Variants in FANCC observed in about 807,000 individuals in gnomAD.
FANCC encodes FA complementation group C, also known as Fanconi anemia group C protein.
FANCC carries 55 observed loss-of-function variants against 71.3 expected under a neutral mutation model. The observed-to-expected ratio is 0.77, with a 90% confidence interval of 0.62 to 0.97. The LOEUF is 0.97. FANCC is among the 50% of genes least tolerant of loss of function. FANCC has a pLI of 0.00. For missense variants in FANCC, 678 were observed against 670.9 expected (o/e 1.01, Z -0.12); for synonymous variants, 275 against 244.9 (o/e 1.12, Z -1.15).
At chr9:95,117,253 T>C in intron 11 of FANCC, 62 bp downstream of exon 11, 2 of 1,463,954 alleles carry the variant, frequency 1.4e-6, no homozygotes, top group Non-Finnish European at 9.6e-7. Context: ...GAGGAGGTCA[T>C]AATTTGACAA....
At chr9:95,313,633 C>T (rs1339957125) in intron 1 of FANCC, among the ~76,000 whole-genome samples, 1 of 152,138 alleles carries the variant, frequency 6.6e-6, no homozygotes, top group Non-Finnish European at 1.5e-5. Context: ...GCCACTATTA[C>T]GGTAATACCA....
chr9:95,149,143 AAATT>A (rs1193595700), intron 7 of FANCC, among the ~76,000 whole-genome samples: 1 of 152,182 alleles, frequency 6.6e-6, no homozygotes, highest in Non-Finnish European at 1.5e-5. Context: ...ACGTGTAATA[AAATT>A]ATTTTTATTT....
At chr9:95,189,716 T>G (rs1006765133) in intron 4 of FANCC, among the ~76,000 whole-genome samples, 2 of 152,262 alleles carry the variant, frequency 1.3e-5, no homozygotes, top group African/African-American at 2.4e-5. Context: ...TTGATAAATA[T>G]TCTGCCAGGC....
chr9:95,110,278 C>T, intron 13 of FANCC: 8 of 1,011,764 alleles, frequency 7.9e-6, no homozygotes, highest in Non-Finnish European at 9.5e-6. Flanking sequence ...GATTCTCTGT[C>T]AGTAACCTTT....
chr9:95,175,582 G>GGA (rs1825963253), intron 4 of FANCC, among the ~76,000 whole-genome samples: 1 of 152,238 alleles, frequency 6.6e-6, no homozygotes, highest in South Asian at 2.1e-4. Flanking sequence ...GTGCAATCTG[G>GGA]GAGAGAGAGG....
intron 13 of FANCC, chr9:95,111,177 G>A: frequency 6.5e-7 from 1 of 1,535,920 alleles, no homozygotes; most frequent in Non-Finnish European, 8.7e-7. Context: ...GGCAGATATG[G>A]CAGCTGAGCA....
chr9:95,247,023 A>T (rs1209340364), intron 3 of FANCC, among the ~76,000 whole-genome samples: 1 of 152,196 alleles, frequency 6.6e-6, no homozygotes, highest in Non-Finnish European at 1.5e-5. Context: ...CATGGGAAAG[A>T]GTGTGTGAGT....
At chr9:95,203,674 T>C (rs554287636) in intron 4 of FANCC, among the ~76,000 whole-genome samples, 36 of 152,304 alleles carry the variant, frequency 2.4e-4, no homozygotes, top group African/African-American at 8.4e-4. Context: ...GTAATTAATA[T>C]GAGATAATAA....
intron 1 of FANCC, among the ~76,000 whole-genome samples, chr9:95,310,630 G>A (rs1835334833): frequency 6.6e-6 from 1 of 152,092 alleles, no homozygotes; most frequent in Non-Finnish European, 1.5e-5. Context: ...CTTAACCAAT[G>A]ACTGTGACGA....
chr9:95,101,797 G>A lies in FANCC; in HGVS notation c.1587C>T (p.Thr529=), dbSNP rs1015147630. ...TGCCAAGACGATTCCATCTGTACAA[G>A]GTCTGGTCAAGAAAGCCAATGATCT... ...THEIIGFLDQ[T]LYRWNRLGIE... is the part of the protein sequence containing the mutation. Residue 529 remains threonine, a synonymous_variant, in exon 15 of 15, where the codon ACC becomes ACT. Transcript: ENST00000289081. The A allele has an allele frequency of 3.1e-6, 5 of 1,614,012 alleles. No homozygotes were observed. Among genetic ancestry groups the A allele is most frequent in the Admixed American group, 1.7e-5 (1 of 60,002 alleles).
chr9:95,316,970 G>C (rs904625599), intron 1 of FANCC: 1 of 152,298 alleles, frequency 6.6e-6, no homozygotes, highest in African/African-American at 2.4e-5. Flanking sequence ...CGCGCCCCGG[G>C]CTCCTCTAAT....
At chr9:95,111,441 T>C (rs771202748) in intron 13 of FANCC, 22 bp downstream of exon 13, 2 of 1,607,580 alleles carry the variant, frequency 1.2e-6, no homozygotes, top group African/African-American at 2.7e-5. Context: ...CCCAAACACA[T>C]GCAGTGGGGC....
chr9:95,205,557 T>C (rs927394888), intron 4 of FANCC, among the ~76,000 whole-genome samples: 51 of 151,902 alleles, frequency 3.4e-4, no homozygotes, highest in Admixed American at 2.0e-3. Context: ...TTCCAAGTTT[T>C]TCTTTAAAAA....
chr9:95,259,606 C>G (rs1333551604), intron 1 of FANCC, among the ~76,000 whole-genome samples: 1 of 152,194 alleles, frequency 6.6e-6, no homozygotes, highest in Non-Finnish European at 1.5e-5. Flanking sequence ...AAAACCTAGG[C>G]AGTACCATTT....
At chr9:95,240,098 T>C (rs993790283) in intron 4 of FANCC, among the ~76,000 whole-genome samples, 2 of 152,212 alleles carry the variant, frequency 1.3e-5, no homozygotes, top group African/African-American at 4.8e-5. Context: ...AGCTGTCAGC[T>C]ATCTGGACTA....
In FANCC at chr9:95,229,422, G is replaced by A. The variant is rs529212966; in HGVS notation, c.345+11227C>T. On this transcript the variant is annotated intron_variant, in intron 4 of 14. Coordinates refer to ENST00000289081, the MANE Select transcript of FANCC (RefSeq NM_000136.3). ...GGGGTAGAAGCAGTGAGGCTGGTAGGAAGTGGTCAGATTCTGGACACGTGT... is the reference window on the plus strand; with the variant it reads ...GGGGTAGAAGCAGTGAGGCTGGTAGAAAGTGGTCAGATTCTGGACACGTGT... Among the ~76,000 whole-genome samples, 29 of 152,222 alleles carry A rather than the reference G, an allele frequency of 1.9e-4. No individual in the cohort carries two copies. In the South Asian group the frequency reaches 6.0e-3, roughly 32 times the overall value.
intron 4 of FANCC, among the ~76,000 whole-genome samples, chr9:95,210,378 G>C (rs1023959073): frequency 2.0e-5 from 3 of 151,910 alleles, no homozygotes; most frequent in African/African-American, 7.3e-5. Context: ...AAAAGCAAGA[G>C]AAGTCTCAAT....
At chr9:95,176,384 C>G (rs1826010651) in intron 4 of FANCC, among the ~76,000 whole-genome samples, 1 of 152,216 alleles carries the variant, frequency 6.6e-6, no homozygotes, top group Non-Finnish European at 1.5e-5. Context: ...GCACACCCCA[C>G]ACCCGCCACC....
rs1800362 is a variant in FANCC at position 95,172,077 on chromosome 9, C to A, written c.416G>T (p.Gly139Val). ...KEVALFTQGL[G>V]YAPIDYYPGL... Reference sequence around the variant, plus strand: ...AGGATAGTAATCTATAGGTGCATACCCAAGACCTTGAGTGAAAAGAGCAAC... The same window carrying A: ...AGGATAGTAATCTATAGGTGCATACACAAGACCTTGAGTGAAAAGAGCAAC... Residue 139 changes from glycine (G) to valine (V), a missense_variant, in exon 5 of 15, where the codon GGG (glycine) becomes GTG (valine). Coordinates refer to ENST00000289081, the MANE Select transcript of FANCC (RefSeq NM_000136.3). 1 of 1,612,878 alleles carries A rather than the reference C, an allele frequency of 6.2e-7. No homozygotes were observed. The highest frequency in any genetic ancestry group is 8.5e-7 in the Non-Finnish European group (1 of 1,179,168).
Sources: gnomAD v4.1 joint callset for allele counts (sites outside exome capture counted in the v4.1 genomes callset) on GRCh38, gnomAD v4.1.1 for gene constraint, MANE v1.5 for transcripts, NCBI Gene and HGNC (gene_info 2026-07-23, HGNC 2026-07-21) for gene names.